Variants in SYNCRIP observed in about 807,000 individuals in gnomAD.
The protein encoded by SYNCRIP is heterogeneous nuclear ribonucleoprotein Q.
SYNCRIP carries 9 observed loss-of-function variants against 68.9 expected under a neutral mutation model. The observed-to-expected ratio is 0.13, with a 90% CI of 0.08 to 0.23. The LOEUF (loss-of-function observed/expected upper bound fraction) is 0.23. Ranked by LOEUF, SYNCRIP falls within the 10% of genes least tolerant of loss-of-function variation. SYNCRIP has a pLI of 1.00. For missense variants in SYNCRIP, 414 were observed against 770.6 expected (o/e 0.54, Z 5.48); for synonymous variants, 258 against 254.0 (o/e 1.02, Z -0.15).
Position 85,614,543 on chromosome 6 carries a change from TAAG to T in SYNCRIP, c.*210_*212del. 1 of 1,274,432 alleles carries T rather than the reference TAAG, an allele frequency of 7.8e-7. No individual in the cohort carries two copies. The highest frequency in any genetic ancestry group is 3.8e-5 in the Admixed American group (1 of 26,208). The allele number at this position is 1,274,432 out of a possible 1,614,324, so 78.9% of individuals were successfully genotyped here. A position where few individuals can be genotyped will look rare whatever the true frequency, so the allele number is the denominator to read the frequency against. ...CTCATTAACTATTTCTTTCAGTATC[TAAG>T]AATATCTTTATTGAAAAAAATTAAA... On this transcript the variant is annotated 3_prime_UTR_variant, in exon 11 of 11. Transcript: ENST00000369622.
chr6:85,610,576 T>G (rs1261735070), downstream of SYNCRIP: 1 of 152,034 alleles, frequency 6.6e-6, no homozygotes. Flanking sequence ...ACAATGCAGT[T>G]CTTACTTTAA....
Position 85,615,054 on chromosome 6 carries a change from T to A in SYNCRIP, c.1574A>T (p.Gln525Leu), listed in dbSNP as rs1314818884. 1 of 1,614,108 alleles carries A rather than the reference T, an allele frequency of 6.2e-7. No homozygotes were observed. The highest frequency in any genetic ancestry group is 1.1e-5 in the South Asian group (1 of 91,074). The part of the protein sequence containing the change: ...APPRGRAGYS[Q>L]RGGPGSARGV... Reference sequence around the variant, plus strand: ...TCTTGCTGATCCAGGACCTCCTCTCTGTGAATAACCGGCTCTACCGCGGGG... The same window carrying A: ...TCTTGCTGATCCAGGACCTCCTCTCAGTGAATAACCGGCTCTACCGCGGGG... Residue 525 changes from glutamine to leucine, a missense_variant, in exon 11 of 11, where the codon CAG (glutamine) becomes CTG (leucine). Transcript: ENST00000369622.
Position 85,614,486 on chromosome 6 carries a change from T to C in SYNCRIP, c.*270A>G. 1.7e-6 allele frequency: 2 copies of C among 1,148,960 alleles called. No homozygotes were observed. Among genetic ancestry groups the C allele is most frequent in the South Asian group, 6.7e-5 (2 of 29,884 alleles). 71.2% of individuals were successfully genotyped at this position (1,148,960 alleles called of 1,614,324 possible). On this transcript the variant is annotated 3_prime_UTR_variant, in exon 11 of 11. Coordinates refer to ENST00000369622, the MANE Select transcript of SYNCRIP (RefSeq NM_006372.5). ...TCGTTGACACTACAGCCAAATGGAC[T>C]TGAGCCAAATTTTCTCAAGCACAAA...
Position 85,622,477 on chromosome 6 carries a change from A to C in SYNCRIP, c.1008+5T>G, listed in dbSNP as rs1806531008. 1 of 1,613,412 alleles carries C rather than the reference A, an allele frequency of 6.2e-7. No homozygotes were observed. Among genetic ancestry groups the C allele is most frequent in the South Asian group, 1.1e-5 (1 of 91,078 alleles). ...AAAAAATATTTTTAACTTGACTATC[A>C]TTACCTTTGCCATAACCTCAGGATC... On this transcript the variant is annotated splice_donor_5th_base_variant and intron_variant, in intron 8 of 10. Transcript: ENST00000369622.
At chr6:85,608,964 TAAGAA>T (rs991184300) in exon 12 of SYNCRIP, 5 of 152,034 alleles carry the variant, frequency 3.3e-5, no homozygotes, top group East Asian at 1.9e-4. Flanking sequence ...ATTAGCATCT[TAAGAA>T]AAGTAGTGGC....
rs772157999 is a variant in SYNCRIP, at chr6:85,615,115, C to A, written c.1513G>T (p.Gly505Cys). 3 of 1,614,034 alleles carry A rather than the reference C, an allele frequency of 1.9e-6. No homozygotes were observed. In the South Asian group the frequency reaches 3.3e-5, roughly 18 times the overall value. Residue 505 changes from glycine (G) to cysteine (C), a missense_variant, in exon 11 of 11, where the codon GGT (glycine) becomes TGT (cysteine). Gly to Cys is a radical substitution (Grantham distance 159). Coordinates refer to ENST00000369622, the MANE Select transcript of SYNCRIP (RefSeq NM_006372.5). ...CCACGACCTCTGGATGGAGCAGCAC[C>A]CCTTGCTCCTCTACCACCCCTTCCT... ...ARGRGGRGAR[G>C]AAPSRGRGAA...
At position 85,637,468 on chromosome 6, in the gene SYNCRIP, TTA is replaced by T. The variant is rs200316573; in HGVS notation, c.376-114_376-113del. ...TTTCCAATTATCTTGGCATGTTCCC[TTA>T]TAAAAACAGGTTTGTGATGTCTGTT... On this transcript the variant is annotated intron_variant, in intron 4 of 10. Transcript: ENST00000369622. 3.0e-5 allele frequency: 20 copies of T among 661,020 alleles called. 1 individual carries two copies. The South Asian group carries it at 3.8e-4, about 13-fold the overall frequency. The allele number at this position is 661,020 out of a possible 1,614,324, so 40.9% of individuals were successfully genotyped here. A position where few individuals can be genotyped will look rare whatever the true frequency, so the allele number is the denominator to read the frequency against.
rs1272766450 is a variant in SYNCRIP, at chr6:85,615,297, CTTG to C, written c.1328_1330del (p.Thr443del). The C allele has an allele frequency of 1.3e-6, 2 of 1,574,724 alleles. No homozygotes were observed. Among genetic ancestry groups the C allele is most frequent in the African/African-American group, 1.3e-5 (1 of 74,152 alleles). On this transcript the variant is annotated inframe_deletion, in exon 11 of 11. Coordinates refer to ENST00000369622, the MANE Select transcript of SYNCRIP (RefSeq NM_006372.5). ...ACCTCTACCTCCACGCCCTCGACCT[CTTG>C]TTGGAGGGGGCATATGAGGTGGACC... is the stretch of plus-strand genomic sequence containing the variant.
intron 10 of SYNCRIP, among the ~76,000 whole-genome samples, chr6:85,618,458 T>C (rs922407087): frequency 2.6e-5 from 4 of 151,972 alleles, no homozygotes; most frequent in African/African-American, 9.7e-5. Context: ...GGAGAATCTC[T>C]TGAACCCGGG....
intron 6 of SYNCRIP, among the ~76,000 whole-genome samples, chr6:85,627,064 G>A (rs939706829): frequency 3.3e-5 from 5 of 152,052 alleles, no homozygotes; most frequent in African/African-American, 9.7e-5. Flanking sequence ...TCAGGAGTTC[G>A]AGACCAGCCT....
chr6:85,615,379 A>C (rs1805655375), intron 10 of SYNCRIP, 32 bp from the exon 11 acceptor site: 1 of 1,390,954 alleles, frequency 7.2e-7, no homozygotes, highest in Non-Finnish European at 9.6e-7. Flanking sequence ...TTAGAGTTTA[A>C]ATCAAATTAC....
chr6:85,637,943 G>A (rs771583310), intron 4 of SYNCRIP, among the ~76,000 whole-genome samples: 7 of 152,120 alleles, frequency 4.6e-5, no homozygotes, highest in Non-Finnish European at 1.0e-4. Flanking sequence ...CAGCCAAAAC[G>A]ACTTTTAAAA....
intron 5 of SYNCRIP, 44 bp downstream of exon 5, chr6:85,637,198 AC>A: frequency 6.2e-7 from 1 of 1,606,940 alleles, no homozygotes. Flanking sequence ...GAAACCAGAT[AC>A]CTGTGCTTTT....
chr6:85,636,735 A>T (rs369768903), intron 6 of SYNCRIP, among the ~76,000 whole-genome samples: 4 of 152,232 alleles, frequency 2.6e-5, no homozygotes, highest in Non-Finnish European at 5.9e-5. Flanking sequence ...CCAGATGTTT[A>T]TAAGAACCAA....
chr6:85,619,532 AT>A, intron 8 of SYNCRIP, 115 bp from the exon 9 acceptor site: 1 of 957,540 alleles, frequency 1.0e-6, no homozygotes, highest in Non-Finnish European at 1.5e-6. Context: ...GAATGTCAGA[AT>A]ATAAAAAAAA....
At chr6:85,638,039 C>CA (rs1310408113) in intron 4 of SYNCRIP, among the ~76,000 whole-genome samples, 1 of 152,116 alleles carries the variant, frequency 6.6e-6, no homozygotes, top group Non-Finnish European at 1.5e-5. Flanking sequence ...CATATTTACT[C>CA]AGAGCATTAG....
At chr6:85,639,327 T>C (rs1808858279) in intron 4 of SYNCRIP, among the ~76,000 whole-genome samples, 1 of 152,230 alleles carries the variant, frequency 6.6e-6, no homozygotes, top group African/African-American at 2.4e-5. Context: ...AATGCAAACT[T>C]GATTACAACT....
chr6:85,634,581 G>A (rs895745112), intron 6 of SYNCRIP, among the ~76,000 whole-genome samples: 1 of 145,336 alleles, frequency 6.9e-6, no homozygotes, highest in Admixed American at 6.9e-5. Flanking sequence ...CTGGTGTGTT[G>A]TTTTTTTTTT....
downstream of SYNCRIP, chr6:85,611,871 A>C (rs1805275560): frequency 6.6e-6 from 1 of 152,612 alleles, no homozygotes; most frequent in African/African-American, 2.4e-5. Flanking sequence ...AAAAAACTTC[A>C]AAATATCCAA....
Sources: gnomAD v4.1 joint callset for allele counts (sites outside exome capture counted in the v4.1 genomes callset) on GRCh38, gnomAD v4.1.1 for gene constraint, MANE v1.5 for transcripts, NCBI Gene and HGNC (gene_info 2026-07-23, HGNC 2026-07-21) for gene names.